The following LRBA variants were observed in gnomAD, a reference collection of about 807,000 sequenced individuals.
LRBA encodes lipopolysaccharide-responsive and beige-like anchor protein.
In LRBA, 176 loss-of-function variants were observed where a neutral mutation model predicts 330.0. The observed-to-expected ratio is 0.53, with a 90% CI of 0.47 to 0.60. The LOEUF is 0.60. Ranked by LOEUF, LRBA falls within the 20% of genes least tolerant of loss-of-function variation. The pLI is 0.00. For synonymous variants in LRBA, 1,230 were observed against 1,193.0 expected (o/e 1.03, Z -0.64); for missense variants, 3,259 against 3,444.8 (o/e 0.95, Z 1.35).
At chr4:151,000,629 C>T (rs1417966086) in intron 2 of LRBA, among the ~76,000 whole-genome samples, 1 of 152,158 alleles carries the variant, frequency 6.6e-6, no homozygotes, top group East Asian at 1.9e-4. Flanking sequence ...TGATTTGCAT[C>T]CTAGTCAGGA....
intron 37 of LRBA, among the ~76,000 whole-genome samples, chr4:150,676,691 A>G (rs1176168445): frequency 6.6e-6 from 1 of 152,096 alleles, no homozygotes; most frequent in Non-Finnish European, 1.5e-5. Flanking sequence ...TAAAACCATA[A>G]TATTTTCTCA....
chr4:150,839,680 T>C (rs1423200774), intron 28 of LRBA, among the ~76,000 whole-genome samples: 3 of 152,168 alleles, frequency 2.0e-5, no homozygotes, highest in Non-Finnish European at 4.4e-5. Context: ...AGGTGGGAAT[T>C]GAACAATGAG....
chr4:150,860,639 A>G (rs575377428), intron 22 of LRBA, among the ~76,000 whole-genome samples: 1 of 152,168 alleles, frequency 6.6e-6, no homozygotes, highest in Non-Finnish European at 1.5e-5. Context: ...CATCCTGGCT[A>G]ACATGGTGAA....
At chr4:150,640,250 C>G (rs560535584) in intron 37 of LRBA, among the ~76,000 whole-genome samples, 1 of 152,192 alleles carries the variant, frequency 6.6e-6, no homozygotes, top group South Asian at 2.1e-4. Context: ...TATCTATTCA[C>G]CACTTAGAAA....
At chr4:150,288,728 C>CTT (rs34527640) in intron 53 of LRBA, among the ~76,000 whole-genome samples, 103 of 146,108 alleles carry the variant, frequency 7.0e-4, no homozygotes, top group South Asian at 3.6e-3. Flanking sequence ...CCATTGGCAA[C>CTT]TTTTTTTTTT....
intron 34 of LRBA, among the ~76,000 whole-genome samples, chr4:150,793,805 C>T (rs945553340): frequency 2.6e-5 from 4 of 152,038 alleles, no homozygotes; most frequent in Non-Finnish European, 4.4e-5. Context: ...TAGGAGCTAG[C>T]TAACTGATTC....
At chr4:150,593,356 T>C (rs1460604813) in intron 38 of LRBA, among the ~76,000 whole-genome samples, 2 of 152,210 alleles carry the variant, frequency 1.3e-5, no homozygotes, top group African/African-American at 4.8e-5. Context: ...AGTTAATTCA[T>C]TTAATTCTCA....
chr4:150,610,880 G>A (rs887477707), intron 37 of LRBA, among the ~76,000 whole-genome samples: 3 of 152,080 alleles, frequency 2.0e-5, no homozygotes, highest in African/African-American at 7.2e-5. Context: ...GGCTTATGAT[G>A]CAGTATAAAT....
At position 150,583,687 on chromosome 4, in the gene LRBA, G is replaced by C; in HGVS notation, c.6330+4361C>G. 1.2e-6 allele frequency: 2 copies of C among 1,613,712 alleles called. No homozygotes were observed. The highest frequency in any genetic ancestry group is 1.7e-6 in the Non-Finnish European group (2 of 1,179,882). On this transcript the variant is annotated intron_variant, in intron 40 of 56. Transcript: ENST00000651943. The surrounding 1 kb of genome is among the most constrained non-coding windows in gnomAD (Gnocchi z 9.8). Reference sequence around the variant, plus strand: ...CTCGAAGGAGTGCTACTCGCTGACCGGCAAGCAGAGCTCGGCAGAGAGCGA... The same window carrying C: ...CTCGAAGGAGTGCTACTCGCTGACCCGCAAGCAGAGCTCGGCAGAGAGCGA...
In LRBA at chr4:150,915,673, G is replaced by T; in HGVS notation, c.949C>A (p.Arg317=). 1 of 1,612,362 alleles carries T rather than the reference G, an allele frequency of 6.2e-7. No individual in the cohort carries two copies. The change falls in exon 8 of 57, where the codon CGA becomes AGA. Residue 317 remains arginine (R), a synonymous_variant. Transcript: ENST00000651943. ...IYNRWKNSEL[R]CYVNGELASY... is the part of the protein sequence containing the mutation. ...GCCAGCTCACCATTCACATAACATC[G>T]AAGTTCACTATTCTTCCATCGGTTA...
chr4:150,266,468 A>AAGAG (rs1311391434), intron 56 of LRBA, among the ~76,000 whole-genome samples: 1 of 152,170 alleles, frequency 6.6e-6, no homozygotes, highest in Non-Finnish European at 1.5e-5. Flanking sequence ...GGTGCAGGGA[A>AAGAG]AGAGATGGAG....
At chr4:150,292,869 G>C (rs1341456125) in intron 53 of LRBA, among the ~76,000 whole-genome samples, 1 of 152,030 alleles carries the variant, frequency 6.6e-6, no homozygotes, top group East Asian at 1.9e-4. Flanking sequence ...AACTAATTTT[G>C]TATGCAAAAT....
chr4:150,846,760 T>C (rs1213780383), intron 26 of LRBA, among the ~76,000 whole-genome samples: 1 of 152,208 alleles, frequency 6.6e-6, no homozygotes, highest in African/African-American at 2.4e-5. Context: ...ACATTTGGAC[T>C]GTTACTTTGT....
intron 40 of LRBA, among the ~76,000 whole-genome samples, chr4:150,540,431 G>C (rs1561323548): frequency 6.6e-6 from 1 of 152,286 alleles, no homozygotes; most frequent in South Asian, 2.1e-4. Flanking sequence ...CTGACCTCAT[G>C]TGATCCGCCT....
At chr4:150,496,465 T>C (rs1056662606) in intron 40 of LRBA, among the ~76,000 whole-genome samples, 3 of 151,994 alleles carry the variant, frequency 2.0e-5, no homozygotes, top group African/African-American at 7.2e-5. Context: ...ATCCTTTAAG[T>C]GAATAGAAAG....
intron 53 of LRBA, among the ~76,000 whole-genome samples, chr4:150,294,947 C>G (rs1429437476): frequency 6.6e-6 from 1 of 150,950 alleles, no homozygotes; most frequent in Non-Finnish European, 1.5e-5. Context: ...GATACTCTGT[C>G]TCTTAAAAAA....
rs776138860 is a variant in LRBA, at chr4:150,852,195, T to C, written c.3515A>G (p.Gln1172Arg). Residue 1172 changes from glutamine to arginine, a missense_variant, in exon 23 of 57, where the codon CAA becomes CGA. Gln to Arg is a conservative substitution (Grantham distance 43). Transcript: ENST00000651943. ...CTGAATTCCAGAATCTTTAGAATCT[T>C]GAGTTTCAGTATCAGTTTGCTTTTC... Reference protein sequence around the residue: ...VTEKQTDTETQDSKDSGIQTM... With the variant: ...VTEKQTDTETRDSKDSGIQTM... 4 of 1,613,886 alleles carry C rather than the reference T, an allele frequency of 2.5e-6. No homozygotes were observed. The highest frequency in any genetic ancestry group is 3.3e-5 in the Admixed American group (2 of 60,010).
chr4:150,555,337 A>G (rs773647173), intron 40 of LRBA, among the ~76,000 whole-genome samples: 6 of 152,242 alleles, frequency 3.9e-5, no homozygotes, highest in Non-Finnish European at 7.3e-5. Flanking sequence ...TGTTCAACCC[A>G]TAACAATTCA....
At chr4:150,385,333 C>T (rs879340740) in intron 47 of LRBA, among the ~76,000 whole-genome samples, 1 of 152,120 alleles carries the variant, frequency 6.6e-6, no homozygotes, top group African/African-American at 2.4e-5. Context: ...AAAAAATCTG[C>T]ATTATAGCCA....
Sources: allele counts gnomAD v4.1 joint callset (sites outside exome capture counted in the v4.1 genomes callset), GRCh38; gene constraint gnomAD v4.1.1; non-coding constraint Gnocchi (gnomAD v3.1); transcripts MANE v1.5; gene names NCBI Gene and HGNC (gene_info 2026-07-23, HGNC 2026-07-21).